Variants in VSIG2 observed in about 807,000 individuals in gnomAD.
VSIG2 encodes V-set and immunoglobulin domain-containing protein 2.
A neutral mutation model predicts 29.4 loss-of-function variants in VSIG2; 30 were observed. That is an observed-to-expected ratio of 1.02 (90% CI 0.76 to 1.38). The LOEUF is 1.38. Among genes scored for constraint, VSIG2 ranks in the 40% most tolerant of loss-of-function variants. VSIG2 has a pLI of 0.00. For synonymous variants in VSIG2, 178 were observed against 174.2 expected, an observed-to-expected ratio of 1.02 and a Z score of -0.17; for missense variants, 421 against 400.8, an observed-to-expected ratio of 1.05 and a Z score of -0.43.
intron 3 of VSIG2, 25 bp from the exon 4 acceptor site, chr11:124,749,891 A>AAAAAC (rs776543882): frequency 3.3e-6 from 5 of 1,534,722 alleles, no homozygotes; most frequent in Non-Finnish European, 2.6e-6. Context: ...AAAAAAAAAA[A>AAAAAC]AAAACAGAAA....
chr11:124,748,158 T>C, intron 6 of VSIG2: 1 of 535,596 alleles, frequency 1.9e-6, no homozygotes, highest in Non-Finnish European at 3.3e-6. Flanking sequence ...AGGGCAGTCC[T>C]GCAAACAGCT....
At position 124,747,603 on chromosome 11, in the gene VSIG2, A is replaced by C. The variant is rs1944029132; in HGVS notation, c.916T>G (p.Phe306Val). 6.2e-7 allele frequency: 1 copy of C among 1,613,708 alleles called. No homozygotes were observed. The highest frequency in any genetic ancestry group is 1.3e-5 in the African/African-American group (1 of 74,930). Residue 306 changes from phenylalanine (F) to valine (V), a missense_variant, in exon 7 of 7, where the codon TTC becomes GTC. Physicochemically the swap from Phe to Val is conservative, Grantham distance 50 (BLOSUM62 -1). Coordinates refer to ENST00000326621, the MANE Select transcript of VSIG2 (RefSeq NM_014312.5). The part of the protein sequence containing the change: ...TCMRADSSKG[F>V]LERPSSASTV... Reference sequence around the variant, plus strand: ...CTGGCAGACGAGGGTCTTTCCAGGAACCCCTTGCTAGAATCAGCCCTCATA... The same window carrying C: ...CTGGCAGACGAGGGTCTTTCCAGGACCCCCTTGCTAGAATCAGCCCTCATA...
rs1439853989 is a variant in VSIG2 at position 124,748,755 on chromosome 11, A to G, written c.595T>C (p.Ser199Pro). 4.3e-6 allele frequency: 7 copies of G among 1,614,174 alleles called. No homozygotes were observed. The highest frequency in any genetic ancestry group is 5.9e-6 in the Non-Finnish European group (7 of 1,180,014). Residue 199 changes from serine (S) to proline (P), a missense_variant, in exon 5 of 7, where the codon TCT becomes CCT. Transcript: ENST00000326621. ...SPGSMVQDEV[S>P]GQLILTNLSL... ...AGGTTGGTGAGAATGAGCTGGCCAG[A>G]CACCTCATCTAGAGGATGAAGAGGA...
intron 1 of VSIG2, 101 bp from the exon 2 acceptor site, chr11:124,751,681 C>A: frequency 1.6e-6 from 2 of 1,277,664 alleles, no homozygotes; most frequent in African/African-American, 1.5e-5. Context: ...GGGCTCCCTC[C>A]CCAGAGCACA....
chr11:124,749,753 G>T lies in VSIG2; in HGVS notation c.541C>A (p.Arg181Ser), dbSNP rs754244446. ...GAPKPVYNWV[R>S]LGTFPTPSPG... Reference sequence around the variant, plus strand: ...GAAGGTGTAGGAAAAGTTCCAAGACGCACCCAGTTGTACACTGGCTTAGGA... The same window carrying T: ...GAAGGTGTAGGAAAAGTTCCAAGACTCACCCAGTTGTACACTGGCTTAGGA... The change falls in exon 4 of 7, where the codon CGT becomes AGT. Residue 181 changes from arginine to serine, a missense_variant. Physicochemically the swap from Arg to Ser is moderately radical, Grantham distance 110. Coordinates refer to ENST00000326621, the MANE Select transcript of VSIG2 (RefSeq NM_014312.5). The T allele has an allele frequency of 5.0e-6, 8 of 1,613,102 alleles. No homozygotes were observed. The South Asian group carries it at 8.8e-5, about 18-fold the overall frequency.
Position 124,747,605 on chromosome 11 carries a change from C to T in VSIG2, c.914G>A (p.Gly305Glu). ...HTCMRADSSK[G>E]FLERPSSAST... is the part of the protein sequence containing the mutation. The stretch of plus-strand genomic sequence containing the variant: ...GGCAGACGAGGGTCTTTCCAGGAAC[C>T]CCTTGCTAGAATCAGCCCTCATACA... The change falls in exon 7 of 7, where the codon GGG becomes GAG. Residue 305 changes from glycine (G) to glutamate (E), a missense_variant. Gly to Glu is a moderately conservative substitution (Grantham distance 98). Coordinates refer to ENST00000326621, the MANE Select transcript of VSIG2 (RefSeq NM_014312.5). 6.2e-7 allele frequency: 1 copy of T among 1,613,804 alleles called. No homozygotes were observed. Among genetic ancestry groups the T allele is most frequent in the South Asian group, 1.1e-5 (1 of 91,048 alleles).
At position 124,747,547 on chromosome 11, in the gene VSIG2, AGGGAGCTTGGACTTGGT is replaced by A; in HGVS notation, c.955_971del (p.Thr319TyrfsTer10). ...GGATCGGGAGAAGTCACACGACCAT[AGGGAGCTTGGACTTGGT>A]GGTCGTCACGGTGCTGGCAGACGAG... On this transcript the variant is annotated frameshift_variant, in exon 7 of 7. Coordinates refer to ENST00000326621, the MANE Select transcript of VSIG2 (RefSeq NM_014312.5). LOFTEE classifies it high-confidence loss of function. The A allele has an allele frequency of 6.2e-7, 1 of 1,612,532 alleles. No individual in the cohort carries two copies. Among genetic ancestry groups the A allele is most frequent in the South Asian group, 1.1e-5 (1 of 90,842 alleles).
chr11:124,749,895 A>AAAACAAAAAAAAAC lies in VSIG2; in HGVS notation c.428-30_428-29insGTTTTTTTTTGTTT, dbSNP rs1555108821. The stretch of plus-strand genomic sequence containing the variant: ...CAAAAAAAAAAAAAAAAAAAAAAAA[A>AAAACAAAAAAAAAC]CAGAAAGTTCCTCAGCAATCTTCCA... On this transcript the variant is annotated intron_variant, in intron 3 of 6. Coordinates refer to ENST00000326621, the MANE Select transcript of VSIG2 (RefSeq NM_014312.5). 2.0e-6 allele frequency: 3 copies of AAAACAAAAAAAAAC among 1,485,772 alleles called. No individual in the cohort carries two copies. The African/African-American group carries it at 4.4e-5, about 22-fold the overall frequency. 92.0% of individuals were successfully genotyped at this position (1,485,772 alleles called of 1,614,324 possible).
chr11:124,749,905 C>T, intron 3 of VSIG2, 39 bp from the exon 4 acceptor site: 2 of 1,210,216 alleles, frequency 1.7e-6, no homozygotes, highest in Non-Finnish European at 2.1e-6. Flanking sequence ...ACAGAAAGTT[C>T]CTCAGCAATC....
chr11:124,748,027 T>C, intron 6 of VSIG2: 1 of 364,656 alleles, frequency 2.7e-6, no homozygotes, highest in Non-Finnish European at 4.9e-6. Flanking sequence ...TGAACTCAGC[T>C]GACTGCTCAG....
Position 124,751,557 on chromosome 11 carries a change from G to T in VSIG2, c.85C>A (p.Pro29Thr). ...AGGGGCGTGCTCAGCGGCTCTGTGG[G>T]TACCTTCACCTCCACGGCCAGCCCT... ...LSGLAVEVKVPTEPLSTPLGK... is the reference protein window; with the variant it reads ...LSGLAVEVKVTTEPLSTPLGK... The change falls in exon 2 of 7, where the codon CCC becomes ACC. Residue 29 changes from proline to threonine, a missense_variant. By Grantham distance (38) the Pro-to-Thr change is conservative. Coordinates refer to ENST00000326621, the MANE Select transcript of VSIG2 (RefSeq NM_014312.5). 6.2e-7 allele frequency: 1 copy of T among 1,605,860 alleles called. No individual in the cohort carries two copies. The highest frequency in any genetic ancestry group is 8.5e-7 in the Non-Finnish European group (1 of 1,177,150).
At chr11:124,748,301 T>C in intron 6 of VSIG2, 89 bp downstream of exon 6, 1 of 1,382,244 alleles carries the variant, frequency 7.2e-7, no homozygotes, top group Non-Finnish European at 1.0e-6. Flanking sequence ...ACACACTGAA[T>C]GATGTCGGAG....
intron 4 of VSIG2, 121 bp from the exon 5 acceptor site, chr11:124,748,884 C>G: frequency 6.9e-7 from 1 of 1,441,646 alleles, no homozygotes; most frequent in South Asian, 1.2e-5. Context: ...TTTTTTTTCA[C>G]TGGGGAGGAA....
rs749868811 is a variant in VSIG2, at chr11:124,747,599, A to C, written c.920T>G (p.Leu307Arg). 1.2e-6 allele frequency: 2 copies of C among 1,613,936 alleles called. No individual in the cohort carries two copies. Among genetic ancestry groups the C allele is most frequent in the African/African-American group, 2.7e-5 (2 of 75,018 alleles). The part of the protein sequence containing the change: ...CMRADSSKGF[L>R]ERPSSASTVT... Reference sequence around the variant, plus strand: ...GGTGCTGGCAGACGAGGGTCTTTCCAGGAACCCCTTGCTAGAATCAGCCCT... The same window carrying C: ...GGTGCTGGCAGACGAGGGTCTTTCCCGGAACCCCTTGCTAGAATCAGCCCT... Residue 307 changes from leucine (L) to arginine (R), a missense_variant, in exon 7 of 7, where the codon CTG (leucine) becomes CGG (arginine). Leu to Arg is a moderately radical substitution (Grantham distance 102). Coordinates refer to ENST00000326621, the MANE Select transcript of VSIG2 (RefSeq NM_014312.5).
At position 124,749,885 on chromosome 11, in the gene VSIG2, A is replaced by AAACAAAAAAAAAAC. The variant is rs1555108850; in HGVS notation, c.428-20_428-19insGTTTTTTTTTTGTT. ...GGGGGAACTGCAAAAAAAAAAAAAA[A>AAACAAAAAAAAAAC]AAAAAAAAAACAGAAAGTTCCTCAG... On this transcript the variant is annotated intron_variant, in intron 3 of 6. Transcript: ENST00000326621. The AAACAAAAAAAAAAC allele has an allele frequency of 3.2e-4, 450 of 1,418,786 alleles. 3 individuals are homozygous for AAACAAAAAAAAAAC. The African/African-American group carries it at 3.3e-3, about 10-fold the overall frequency. The allele number at this position is 1,418,786 out of a possible 1,614,324, so 87.9% of individuals were successfully genotyped here. A position where few individuals can be genotyped will look rare whatever the true frequency, so the allele number is the denominator to read the frequency against.
chr11:124,750,583 T>G (rs1476061518), intron 3 of VSIG2, 131 bp downstream of exon 3: 2 of 939,532 alleles, frequency 2.1e-6, no homozygotes, highest in African/African-American at 3.3e-5. Flanking sequence ...AAGGGAGTAT[T>G]TTCACTTGGG....
intron 2 of VSIG2, 107 bp from the exon 3 acceptor site, chr11:124,751,028 CAGGGA>C: frequency 8.3e-7 from 1 of 1,198,748 alleles, no homozygotes; most frequent in Non-Finnish European, 1.2e-6. Flanking sequence ...TTACATCAGC[CAGGGA>C]GGCTGATACC....
In VSIG2 at chr11:124,747,526, C is replaced by G. The variant is rs1246718846; in HGVS notation, c.*9G>C. Reference sequence around the variant, plus strand: ...ATTCCCCCTCACCGCCCTCAGGGATCGGGAGAAGTCACACGACCATAGGGA... The same window carrying G: ...ATTCCCCCTCACCGCCCTCAGGGATGGGGAGAAGTCACACGACCATAGGGA... On this transcript the variant is annotated 3_prime_UTR_variant, in exon 7 of 7. Transcript: ENST00000326621. 5.0e-6 allele frequency: 8 copies of G among 1,602,654 alleles called. No homozygotes were observed. Among genetic ancestry groups the G allele is most frequent in the Non-Finnish European group, 6.8e-6 (8 of 1,175,238 alleles).
intron 6 of VSIG2, 79 bp downstream of exon 6, chr11:124,748,311 G>C: frequency 6.9e-7 from 1 of 1,444,148 alleles, no homozygotes; most frequent in South Asian, 1.3e-5. Flanking sequence ...TGATGTCGGA[G>C]TTTGAGGGTT....
Sources: gnomAD v4.1 joint callset for allele counts on GRCh38, gnomAD v4.1.1 for gene constraint, MANE v1.5 for transcripts, NCBI Gene and HGNC (gene_info 2026-07-23, HGNC 2026-07-21) for gene names.